RBL1: variants seen among roughly 807,000 people sequenced by gnomAD.
RBL1 encodes RB transcriptional corepressor like 1.
RBL1 carries 82 observed loss-of-function variants against 123.0 expected under a neutral mutation model. The ratio of observed to expected loss-of-function variants is 0.67; its 90% CI spans 0.56 to 0.80. The LOEUF is 0.80. Ranked by LOEUF, RBL1 falls within the 30% of genes least tolerant of loss-of-function variation. RBL1 has a pLI of 0.00. For missense variants in RBL1, 1,171 were observed against 1,299.6 expected (o/e 0.90, Z 1.52); for synonymous variants, 405 against 441.3 (o/e 0.92, Z 1.03).
chr20:37,042,615 A>C (rs1190472775), intron 13 of RBL1, among the ~76,000 whole-genome samples: 1 of 152,102 alleles, frequency 6.6e-6, no homozygotes, highest in Non-Finnish European at 1.5e-5. Context: ...CATAATAGCC[A>C]AAAGGGGTTA....
chr20:36,998,716 A>G lies in RBL1; in HGVS notation c.*43T>C, dbSNP rs576092199. The G allele has an allele frequency of 4.6e-6, 7 of 1,538,374 alleles. No homozygotes were observed. Among genetic ancestry groups the G allele is most frequent in the Non-Finnish European group, 6.2e-6 (7 of 1,127,638 alleles). Reference sequence around the variant, plus strand: ...GAAGGACAGAGCTCCAACTTTCTGCAGAACAATCTGAAAGTGCTTTTATCA... The same window carrying G: ...GAAGGACAGAGCTCCAACTTTCTGCGGAACAATCTGAAAGTGCTTTTATCA... On this transcript the variant is annotated 3_prime_UTR_variant, in exon 22 of 22. Transcript: ENST00000373664.
intron 17 of RBL1, among the ~76,000 whole-genome samples, chr20:37,021,590 G>A (rs559366641): frequency 2.6e-5 from 4 of 151,968 alleles, no homozygotes; most frequent in East Asian, 3.9e-4. Context: ...GACTACAGGC[G>A]CGTGCCACCA....
chr20:37,007,968 T>G (rs531510482), intron 19 of RBL1, among the ~76,000 whole-genome samples: 15 of 152,208 alleles, frequency 9.9e-5, no homozygotes. Flanking sequence ...CAAATCTTTA[T>G]GTAGAGAAAT....
intron 16 of RBL1, among the ~76,000 whole-genome samples, chr20:37,030,390 A>T (rs548135226): frequency 6.6e-6 from 1 of 152,352 alleles, no homozygotes; most frequent in Admixed American, 6.5e-5. Flanking sequence ...CATGTGCAAA[A>T]GAATGACTTT....
chr20:37,005,406 C>CA (rs200205174), intron 20 of RBL1, among the ~76,000 whole-genome samples: 3,324 of 104,606 alleles, frequency 0.032, 89 homozygotes, highest in African/African-American at 0.084. Context: ...GACTCCTTCT[C>CA]AAAAAAAAAA....
chr20:37,047,498 A>G (rs1251499515), intron 11 of RBL1, among the ~76,000 whole-genome samples: 2 of 152,204 alleles, frequency 1.3e-5, no homozygotes, highest in East Asian at 3.8e-4. Context: ...ATGACAGTTA[A>G]TTGTTTTGTC....
At chr20:37,069,028 C>T (rs1389568237) in intron 2 of RBL1, among the ~76,000 whole-genome samples, 8 of 152,358 alleles carry the variant, frequency 5.3e-5, no homozygotes, top group South Asian at 4.1e-4. Context: ...TTGGTGGAGA[C>T]GGGGTTTCGC....
intron 15 of RBL1, 99 bp from the exon 16 acceptor site, chr20:37,032,975 A>G (rs1169799793): frequency 5.5e-6 from 8 of 1,452,974 alleles, no homozygotes; most frequent in Non-Finnish European, 7.3e-6. Context: ...ATCTGTGTGT[A>G]TAAGAAGGCT....
At chr20:37,067,964 T>C in intron 3 of RBL1, 22 bp downstream of exon 3, 1 of 1,601,214 alleles carries the variant, frequency 6.2e-7, no homozygotes, top group Non-Finnish European at 8.5e-7. Flanking sequence ...TTATGTCAAT[T>C]ATATAAGGAT....
intron 11 of RBL1, among the ~76,000 whole-genome samples, chr20:37,053,452 T>C (rs984607337): frequency 2.0e-5 from 3 of 152,184 alleles, no homozygotes; most frequent in African/African-American, 7.2e-5. Context: ...GTGTGTGTCC[T>C]ATGATGAAAT....
intron 2 of RBL1, among the ~76,000 whole-genome samples, chr20:37,069,228 T>G (rs948727528): frequency 2.6e-5 from 4 of 152,202 alleles, no homozygotes; most frequent in Non-Finnish European, 5.9e-5. Flanking sequence ...CCTCCCAAAG[T>G]GCCAAGATTG....
intron 7 of RBL1, among the ~76,000 whole-genome samples, chr20:37,062,938 C>T (rs904830245): frequency 4.4e-4 from 67 of 151,978 alleles, no homozygotes; most frequent in Admixed American, 3.3e-4. Context: ...GCTGAGATCG[C>T]GCCACTGCAC....
intron 11 of RBL1, among the ~76,000 whole-genome samples, chr20:37,052,951 C>T (rs957030148): frequency 6.6e-6 from 1 of 152,168 alleles, no homozygotes; most frequent in African/African-American, 2.4e-5. Flanking sequence ...CAGGGAGGAA[C>T]ATTTTATAAT....
chr20:37,022,052 G>C (rs1304040026), intron 17 of RBL1: 1 of 152,152 alleles, frequency 6.6e-6, no homozygotes, highest in Non-Finnish European at 1.5e-5. Context: ...AGATTTCAAA[G>C]AGGCATTGTG....
At chr20:37,077,918 C>T (rs954095170) in intron 2 of RBL1, among the ~76,000 whole-genome samples, 5 of 152,036 alleles carry the variant, frequency 3.3e-5, no homozygotes, top group Non-Finnish European at 4.4e-5. Context: ...AATGTTCTTT[C>T]GGAGCAATTT....
chr20:37,037,645 TA>T (rs2064640672), intron 14 of RBL1, among the ~76,000 whole-genome samples: 1 of 151,794 alleles, frequency 6.6e-6, no homozygotes, highest in East Asian at 1.9e-4. Flanking sequence ...TCCCACTGAT[TA>T]AAATGACTGA....
rs181722461 is a variant in RBL1 at position 37,034,818 on chromosome 20, T to C, written c.2170+424A>G. On this transcript the variant is annotated intron_variant, in intron 15 of 21. Coordinates refer to ENST00000373664, the MANE Select transcript of RBL1 (RefSeq NM_002895.5). ...AAAAAGGTGGGGCACAGAGGATTTA[T>C]AGGGCAGTGAAACTACTCTGTATGG... Among the ~76,000 whole-genome samples, 511 of 152,172 alleles carry C rather than the reference T, an allele frequency of 3.4e-3. 3 individuals carry two copies. The highest frequency in any genetic ancestry group is 0.012 in the African/African-American group (479 of 41,530).
intron 9 of RBL1, among the ~76,000 whole-genome samples, chr20:37,057,882 T>C (rs545197250): frequency 6.6e-6 from 1 of 151,962 alleles, no homozygotes; most frequent in Non-Finnish European, 1.5e-5. Context: ...TCCCAGCACT[T>C]TGGGAGGCCA....
In RBL1 at chr20:37,069,437, G is replaced by A. The variant is rs547839815; in HGVS notation, c.291-1251C>T. Among the ~76,000 whole-genome samples, 15 of 150,876 alleles carry A rather than the reference G, an allele frequency of 9.9e-5. No individual in the cohort carries two copies. In the South Asian group the frequency reaches 1.7e-3, roughly 17 times the overall value. ...CCATCCCATCTAGGAAGTGAGGAGC[G>A]TCTCTGCCCAGCCGCCCATCGTCTG... On this transcript the variant is annotated intron_variant, in intron 2 of 21. Coordinates refer to ENST00000373664, the MANE Select transcript of RBL1 (RefSeq NM_002895.5).
Sources: gnomAD v4.1 joint callset for allele counts (sites outside exome capture counted in the v4.1 genomes callset) on GRCh38, gnomAD v4.1.1 for gene constraint, MANE v1.5 for transcripts, NCBI Gene and HGNC (gene_info 2026-07-23, HGNC 2026-07-21) for gene names.